TRAF1: variants seen among roughly 807,000 people sequenced by gnomAD.
The protein encoded by TRAF1 is TNF receptor-associated factor 1.
Under a neutral mutation model 40.9 loss-of-function variants are expected in TRAF1, and 23 were observed. The ratio of observed to expected loss-of-function variants is 0.56; its 90% CI spans 0.40 to 0.80. TRAF1 has a LOEUF of 0.80. TRAF1 is among the 30% of genes least tolerant of loss of function. The pLI is 0.00. For missense variants in TRAF1, 477 were observed against 528.7 expected (o/e 0.90, Z 0.96); for synonymous variants, 206 against 218.8 (o/e 0.94, Z 0.52).
rs554769755 is a variant in TRAF1, at chr9:120,926,200, C to T, written c.-125G>A. On this transcript the variant is annotated 5_prime_UTR_variant, in exon 2 of 8. Coordinates refer to ENST00000373887, the MANE Select transcript of TRAF1 (RefSeq NM_005658.5). ...GGAGCTCTGATGACTTTATCTTCTTCTCTCTGGCTTGTGTGGTTCAACGTC... is the reference window on the plus strand; with the variant it reads ...GGAGCTCTGATGACTTTATCTTCTTTTCTCTGGCTTGTGTGGTTCAACGTC... The T allele has an allele frequency of 3.3e-4, 359 of 1,102,348 alleles. No homozygotes were observed. The highest frequency in any genetic ancestry group is 4.1e-4 in the Non-Finnish European group (334 of 806,764). The allele number at this position is 1,102,348 out of a possible 1,614,324, so 68.3% of individuals were successfully genotyped here.
chr9:120,907,743 C>T (rs972939919), intron 7 of TRAF1, among the ~76,000 whole-genome samples: 15 of 152,214 alleles, frequency 9.9e-5, no homozygotes, highest in Admixed American at 5.2e-4. Flanking sequence ...GCTAGCCTCA[C>T]GGCACCTCCT....
upstream of TRAF1, chr9:120,928,672 ACTCCCACGGGAAGT>A (rs1478577922): frequency 6.6e-6 from 1 of 150,654 alleles, no homozygotes; most frequent in Non-Finnish European, 1.5e-5. Context: ...ACCAGACCCC[ACTCCCACGGGAAGT>A]CTCCGTGGGC....
intron 5 of TRAF1, 40 bp from the exon 6 acceptor site, chr9:120,911,553 G>A (rs1024537185): frequency 1.3e-6 from 2 of 1,589,548 alleles, no homozygotes; most frequent in African/African-American, 2.7e-5. Context: ...CCAGAACCCG[G>A]CTTGGGGATG....
intron 7 of TRAF1, 104 bp from the exon 8 acceptor site, chr9:120,905,342 G>T: frequency 8.2e-7 from 1 of 1,225,178 alleles, no homozygotes; most frequent in Non-Finnish European, 1.1e-6. Context: ...TGCCTGTGCA[G>T]CCCCTCAGAC....
At position 120,918,076 on chromosome 9, in the gene TRAF1, A is replaced by G. The variant is rs148935487; in HGVS notation, c.229-3776T>C. Among the ~76,000 whole-genome samples the G allele has an allele frequency of 3.2e-4, 49 of 152,304 alleles. 1 individual carries two copies. In the East Asian group the frequency reaches 6.6e-3, roughly 20 times the overall value. Reference sequence around the variant, plus strand: ...AGGGAGGGGACAGCCATGTCAAGGCAAAGAGAGAGGCCTTGGAGGAAACCA... The same window carrying G: ...AGGGAGGGGACAGCCATGTCAAGGCGAAGAGAGAGGCCTTGGAGGAAACCA... On this transcript the variant is annotated intron_variant, in intron 3 of 7. Coordinates refer to ENST00000373887, the MANE Select transcript of TRAF1 (RefSeq NM_005658.5).
intron 5 of TRAF1, among the ~76,000 whole-genome samples, chr9:120,911,920 T>C (rs1295694516): frequency 6.6e-6 from 1 of 152,078 alleles, no homozygotes; most frequent in Admixed American, 6.5e-5. Flanking sequence ...AGCTGGGAAG[T>C]TTGTGGGTGA....
upstream of TRAF1, chr9:120,927,152 G>C (rs2046646752): frequency 6.6e-6 from 1 of 152,234 alleles, no homozygotes; most frequent in Non-Finnish European, 1.5e-5. Context: ...GTAGTGGAGT[G>C]GGATTCACAC....
intron 2 of TRAF1, among the ~76,000 whole-genome samples, chr9:120,924,778 T>C (rs1178799963): frequency 6.6e-6 from 1 of 152,192 alleles, no homozygotes; most frequent in Non-Finnish European, 1.5e-5. Context: ...AGATAGTCTA[T>C]TTTACAAGTG....
Position 120,926,252 on chromosome 9 carries a change from C to G in TRAF1, c.-177G>C. The G allele has an allele frequency of 1.7e-6, 1 of 598,464 alleles. No homozygotes were observed. The highest frequency in any genetic ancestry group is 2.7e-6 in the Non-Finnish European group (1 of 375,814). 37.1% of individuals were successfully genotyped at this position (598,464 alleles called of 1,614,324 possible). On this transcript the variant is annotated 5_prime_UTR_variant, in exon 2 of 8. Transcript: ENST00000373887. ...CAGCTGAGTCACAGCAGGGATGGAG[C>G]AGGAATTACCCTTTGTGGCGATAAA...
intron 2 of TRAF1, among the ~76,000 whole-genome samples, chr9:120,925,608 A>C (rs2046633859): frequency 6.6e-6 from 1 of 152,222 alleles, no homozygotes; most frequent in South Asian, 2.1e-4. Flanking sequence ...ATGACACAGA[A>C]AACAGCTTTA....
At chr9:120,908,898 T>C (rs911480601) in intron 7 of TRAF1, among the ~76,000 whole-genome samples, 10 of 152,146 alleles carry the variant, frequency 6.6e-5, no homozygotes, top group African/African-American at 2.2e-4. Flanking sequence ...AGTCTTGCCA[T>C]GTTGCCCAGG....
intron 7 of TRAF1, among the ~76,000 whole-genome samples, chr9:120,907,704 C>A (rs1588147808): frequency 6.6e-6 from 1 of 152,194 alleles, no homozygotes; most frequent in East Asian, 1.9e-4. Context: ...CTGCCTCCTT[C>A]CTTTTTCCTG....
At chr9:120,921,824 G>T (rs112612700) in intron 3 of TRAF1, among the ~76,000 whole-genome samples, 3 of 152,148 alleles carry the variant, frequency 2.0e-5, no homozygotes, top group Non-Finnish European at 4.4e-5. Flanking sequence ...TGAATGAGAG[G>T]GACCAGCTCA....
rs1424841756 is a variant in TRAF1 at position 120,905,220 on chromosome 9, C to T, written c.1051G>A (p.Asp351Asn). 5.0e-6 allele frequency: 8 copies of T among 1,611,794 alleles called. No homozygotes were observed. In the South Asian group the frequency reaches 5.5e-5, roughly 11 times the overall value. ...ATGGCGTGCTCACGGTTGTTCTGGT[C>T]CAGCAGCATGAAGGTGACCTGCAGG... ...FRNKVTFMLL[D>N]QNNREHAIDA... Residue 351 changes from aspartate to asparagine, a missense_variant, in exon 8 of 8, where the codon GAC becomes AAC. Physicochemically the swap from Asp to Asn is conservative, Grantham distance 23. Coordinates refer to ENST00000373887, the MANE Select transcript of TRAF1 (RefSeq NM_005658.5).
rs1268041132 is a variant in TRAF1 at position 120,926,126 on chromosome 9, G to A, written c.-51C>T. 4.7e-6 allele frequency: 7 copies of A among 1,493,104 alleles called. No homozygotes were observed. The highest frequency in any genetic ancestry group is 6.2e-6 in the Non-Finnish European group (7 of 1,123,502). 92.5% of individuals were successfully genotyped at this position (1,493,104 alleles called of 1,614,324 possible). ...GCCTGTTTAAGTTGCTCCAGGGCAG[G>A]GGACCAGCCTTGTGGAGTCCTGGCC... On this transcript the variant is annotated 5_prime_UTR_variant, in exon 2 of 8. Transcript: ENST00000373887.
intron 3 of TRAF1, among the ~76,000 whole-genome samples, chr9:120,920,339 A>T (rs2046596963): frequency 1.3e-5 from 2 of 152,174 alleles, no homozygotes; most frequent in South Asian, 4.1e-4. Context: ...TGTTTCATGG[A>T]GTAATGACCT....
At chr9:120,925,466 C>T (rs888249563) in intron 2 of TRAF1, among the ~76,000 whole-genome samples, 37 of 152,186 alleles carry the variant, frequency 2.4e-4, no homozygotes, top group African/African-American at 7.7e-4. Flanking sequence ...TCCCAGCAAA[C>T]GGTCTGAGGT....
chr9:120,913,797 G>A (rs2046549428), intron 4 of TRAF1, 59 bp from the exon 5 acceptor site: 1 of 1,492,304 alleles, frequency 6.7e-7, no homozygotes, highest in Non-Finnish European at 8.9e-7. Context: ...CAGGGGAGCA[G>A]TGGAGTGCCC....
In TRAF1 at chr9:120,926,100, G is replaced by A; in HGVS notation, c.-25C>T. The A allele has an allele frequency of 6.5e-7, 1 of 1,538,278 alleles. No individual in the cohort carries two copies. Among genetic ancestry groups the A allele is most frequent in the South Asian group, 1.3e-5 (1 of 78,910 alleles). ...TCTCAGGGTTCCAGGCTGGCCAGAG[G>A]GCCTGTTTAAGTTGCTCCAGGGCAG... On this transcript the variant is annotated 5_prime_UTR_variant, in exon 2 of 8. Transcript: ENST00000373887.
Sources: allele counts gnomAD v4.1 joint callset (sites outside exome capture counted in the v4.1 genomes callset), GRCh38; gene constraint gnomAD v4.1.1; transcripts MANE v1.5; gene names NCBI Gene and HGNC (gene_info 2026-07-23, HGNC 2026-07-21).